The following GCNT2 variants were observed in gnomAD, a reference collection of about 807,000 sequenced individuals.
GCNT2 encodes glucosaminyl (N-acetyl) transferase 2 (I blood group), also known as N-acetyllactosaminide beta-1,6-N-acetylglucosaminyl-transferase.
GCNT2 carries 34 observed loss-of-function variants against 34.2 expected under a neutral mutation model. The observed-to-expected ratio is 1.00, with a 90% CI of 0.76 to 1.32. The LOEUF is 1.32. Ranked by LOEUF, GCNT2 falls within the 40% of genes most tolerant of loss-of-function variation. GCNT2 has a pLI of 0.00. For missense variants in GCNT2, 584 were observed against 489.4 expected, an observed-to-expected ratio of 1.19 and a Z score of -1.82; for synonymous variants, 212 against 188.0, an observed-to-expected ratio of 1.13 and a Z score of -1.04.
chr6:10,551,671 C>T (rs1292144116), intron 3 of GCNT2, among the ~76,000 whole-genome samples: 1 of 152,072 alleles, frequency 6.6e-6, no homozygotes, highest in Non-Finnish European at 1.5e-5. Flanking sequence ...TCTTGAACTC[C>T]TGACCTCGTG....
chr6:10,542,795 T>C (rs1248265473), intron 3 of GCNT2, among the ~76,000 whole-genome samples: 2 of 152,094 alleles, frequency 1.3e-5, no homozygotes. Context: ...GTGAAGAATG[T>C]TGCTATGAAC....
At chr6:10,572,720 C>T (rs926190008) in intron 3 of GCNT2, among the ~76,000 whole-genome samples, 10 of 151,506 alleles carry the variant, frequency 6.6e-5, no homozygotes, top group African/African-American at 2.2e-4. Context: ...GATGACAGAG[C>T]GAGACTCCGT....
At chr6:10,597,097 G>A (rs1764885071) in intron 3 of GCNT2, among the ~76,000 whole-genome samples, 1 of 151,266 alleles carries the variant, frequency 6.6e-6, no homozygotes, top group Non-Finnish European at 1.5e-5. Flanking sequence ...TTTGGTTTTA[G>A]GACATTAAAG....
chr6:10,591,099 G>T (rs1329935295), intron 3 of GCNT2, among the ~76,000 whole-genome samples: 1 of 152,204 alleles, frequency 6.6e-6, no homozygotes, highest in African/African-American at 2.4e-5. Flanking sequence ...TTGAATTGTA[G>T]TCACCTATTA....
intron 3 of GCNT2, chr6:10,555,972 G>A (rs1412355985): frequency 7.7e-6 from 8 of 1,032,602 alleles, no homozygotes; most frequent in Non-Finnish European, 9.3e-6. Context: ...GAAGCGGCAC[G>A]CCTGCCAGAG....
chr6:10,593,731 T>C (rs889064222), intron 3 of GCNT2, among the ~76,000 whole-genome samples: 2 of 152,256 alleles, frequency 1.3e-5, no homozygotes, highest in Admixed American at 6.5e-5. Flanking sequence ...AATTGATATA[T>C]GTATATATCA....
chr6:10,536,303 C>G lies in GCNT2; in HGVS notation c.925+6467C>G, dbSNP rs77841016. On this transcript the variant is annotated intron_variant, in intron 3 of 4. Coordinates refer to ENST00000495262, the MANE Select transcript of GCNT2 (RefSeq NM_145649.5). The stretch of plus-strand genomic sequence containing the variant: ...ATTTGGGGATTTTTACTATTAGCTC[C>G]GCTTAAGCAATCTCTGTTTTTTTAT... 5.2e-3 allele frequency among the ~76,000 whole-genome samples: 787 copies of G among 151,994 alleles called. 3 individuals carry two copies. Among genetic ancestry groups the G allele is most frequent in the Non-Finnish European group, 5.5e-3 (377 of 67,996 alleles).
At chr6:10,525,098 CTG>C (rs1368603988) in intron 1 of GCNT2, among the ~76,000 whole-genome samples, 2 of 152,112 alleles carry the variant, frequency 1.3e-5, no homozygotes, top group Non-Finnish European at 2.9e-5. Flanking sequence ...GGATTCTTGT[CTG>C]TAGAAAGGAA....
intron 3 of GCNT2, among the ~76,000 whole-genome samples, chr6:10,576,561 G>A (rs1490305438): frequency 1.3e-5 from 2 of 152,132 alleles, no homozygotes; most frequent in Non-Finnish European, 2.9e-5. Flanking sequence ...CTGGAATTCA[G>A]GATCCAGAGG....
intron 3 of GCNT2, among the ~76,000 whole-genome samples, chr6:10,561,961 T>C (rs1000573506): frequency 3.3e-4 from 50 of 152,316 alleles, no homozygotes; most frequent in Non-Finnish European, 6.3e-4. Context: ...CTTTTATTTA[T>C]ATGTGCACAT....
In GCNT2 at chr6:10,557,764, T is replaced by TA. The variant is rs541993744; in HGVS notation, c.925+27928_925+27929insA. Among the ~76,000 whole-genome samples the TA allele has an allele frequency of 5.6e-4, 85 of 152,322 alleles. 2 individuals carry two copies. In the South Asian group the frequency reaches 0.013, roughly 23 times the overall value. On this transcript the variant is annotated intron_variant, in intron 3 of 4. Coordinates refer to ENST00000495262, the MANE Select transcript of GCNT2 (RefSeq NM_145649.5). ...ATCTTGGCCTCCCAAAATGCTGGGA[T>TA]TATAGCCATGAGCCACCATGCCTAG...
intron 3 of GCNT2, chr6:10,619,555 T>C (rs1322845395): frequency 6.6e-6 from 1 of 152,196 alleles, no homozygotes; most frequent in African/African-American, 2.4e-5. Flanking sequence ...GGTCTCACTA[T>C]GTTGCCCAGG....
intron 3 of GCNT2, among the ~76,000 whole-genome samples, chr6:10,604,364 A>G (rs10946630): frequency 0.44 from 67,561 of 152,016 alleles, 16,789 homozygotes; most frequent in East Asian, 0.64. Flanking sequence ...ATAAGTAAAG[A>G]CTCACAAGGT....
chr6:10,569,522 C>T (rs146598863), intron 3 of GCNT2, among the ~76,000 whole-genome samples: 6 of 152,260 alleles, frequency 3.9e-5, no homozygotes, highest in Middle Eastern at 3.4e-3. Context: ...CCTAAATGCT[C>T]CTCTGTTCTT....
At chr6:10,534,860 C>CA (rs1183061611) in intron 3 of GCNT2, among the ~76,000 whole-genome samples, 1 of 151,916 alleles carries the variant, frequency 6.6e-6, no homozygotes, top group Non-Finnish European at 1.5e-5. Context: ...GACTCTGTCT[C>CA]AAAAAATGGA....
At chr6:10,559,127 A>G (rs1331849789) in intron 3 of GCNT2, among the ~76,000 whole-genome samples, 1 of 146,386 alleles carries the variant, frequency 6.8e-6, no homozygotes, top group Non-Finnish European at 1.5e-5. Flanking sequence ...AAATGTAAAT[A>G]TCTGTGGTTA....
intron 1 of GCNT2, among the ~76,000 whole-genome samples, chr6:10,526,488 A>G (rs1761193072): frequency 6.6e-6 from 1 of 152,218 alleles, no homozygotes; most frequent in Admixed American, 6.5e-5. Context: ...ATAATACCCA[A>G]GGCACACCAA....
intron 3 of GCNT2, among the ~76,000 whole-genome samples, chr6:10,608,524 C>T (rs191596172): frequency 1.3e-5 from 2 of 152,074 alleles, no homozygotes; most frequent in Non-Finnish European, 2.9e-5. Flanking sequence ...TAAATCTTTG[C>T]GAGCTTGATA....
At chr6:10,578,426 T>C (rs1319438392) in intron 3 of GCNT2, among the ~76,000 whole-genome samples, 1 of 148,584 alleles carries the variant, frequency 6.7e-6, no homozygotes, top group Non-Finnish European at 1.5e-5. Context: ...GAAGTCCCTG[T>C]CTTCATGGAG....
Sources: allele counts gnomAD v4.1 joint callset (sites outside exome capture counted in the v4.1 genomes callset), GRCh38; gene constraint gnomAD v4.1.1; transcripts MANE v1.5; gene names NCBI Gene and HGNC (gene_info 2026-07-23, HGNC 2026-07-21).